RIMS2: variants seen among roughly 807,000 people sequenced by gnomAD.
RIMS2 encodes the protein regulating synaptic membrane exocytosis protein 2.
A neutral mutation model predicts 174.4 loss-of-function variants in RIMS2; 59 were observed. That is an observed-to-expected ratio of 0.34 (90% CI 0.27 to 0.42). The LOEUF is 0.42. Ranked by LOEUF, RIMS2 falls within the 10% of genes least tolerant of loss-of-function variation. The probability of loss-of-function intolerance (pLI) is 1.00; values close to 1 mark genes in which losing one functional copy is unlikely to be tolerated. For missense variants in RIMS2, 1,620 were observed against 1,666.3 expected, an observed-to-expected ratio of 0.97 and a Z score of 0.48; for synonymous variants, 606 against 572.5, an observed-to-expected ratio of 1.06 and a Z score of -0.84.
intron 19 of RIMS2, among the ~76,000 whole-genome samples, chr8:104,116,939 A>G (rs1029258206): frequency 6.6e-6 from 1 of 151,978 alleles, no homozygotes; most frequent in African/African-American, 2.4e-5. Flanking sequence ...TTCTGCATAC[A>G]CTGAGTAACA....
chr8:103,871,254 T>G (rs1306163926), intron 3 of RIMS2, among the ~76,000 whole-genome samples: 2 of 151,894 alleles, frequency 1.3e-5, no homozygotes, highest in African/African-American at 4.8e-5. Flanking sequence ...ACTAAAAATA[T>G]GCGGTGGAGA....
chr8:103,503,627 AC>A (rs980476186), intron 1 of RIMS2, among the ~76,000 whole-genome samples: 2 of 152,026 alleles, frequency 1.3e-5, no homozygotes, highest in African/African-American at 4.8e-5. Flanking sequence ...CTGCCTTTTA[AC>A]ATTTATGTTA....
chr8:103,669,023 T>G (rs2096711123), intron 1 of RIMS2, among the ~76,000 whole-genome samples: 1 of 152,188 alleles, frequency 6.6e-6, no homozygotes, highest in Non-Finnish European at 1.5e-5. Context: ...TAGTCTGTTT[T>G]CACGCTGCCG....
intron 3 of RIMS2, among the ~76,000 whole-genome samples, chr8:103,850,700 C>G (rs2098993112): frequency 6.6e-6 from 1 of 151,996 alleles, no homozygotes; most frequent in Non-Finnish European, 1.5e-5. Flanking sequence ...CTGGCTACAA[C>G]TCTTAAACGA....
chr8:104,020,567 T>A (rs1299835026), intron 19 of RIMS2, among the ~76,000 whole-genome samples: 1 of 152,144 alleles, frequency 6.6e-6, no homozygotes, highest in East Asian at 1.9e-4. Context: ...GTAATGGCAT[T>A]AAAATTGGAA....
At chr8:104,252,035 C>T, downstream of RIMS2, 1 of 563,652 alleles carries the variant, frequency 1.8e-6, no homozygotes, top group Non-Finnish European at 3.1e-6. Context: ...GAAGAACTAT[C>T]AGATTTGGAA....
intron 2 of RIMS2, among the ~76,000 whole-genome samples, chr8:103,760,839 A>G (rs1239330088): frequency 6.6e-6 from 1 of 152,258 alleles, no homozygotes; most frequent in African/African-American, 2.4e-5. Flanking sequence ...TTAGCATAGC[A>G]TTTGGCATAT....
chr8:103,910,588 G>C, intron 5 of RIMS2, 59 bp downstream of exon 8: 1 of 973,920 alleles, frequency 1.0e-6, no homozygotes, highest in Non-Finnish European at 1.6e-6. Flanking sequence ...TTTGCTCTCT[G>C]TCACTCATTA....
chr8:103,529,070 A>C (rs539779378), intron 1 of RIMS2, among the ~76,000 whole-genome samples: 26 of 152,146 alleles, frequency 1.7e-4, no homozygotes, highest in Admixed American at 1.6e-3. Flanking sequence ...TATTTCGTTG[A>C]GCAGTGGTTT....
At chr8:103,675,188 A>G (rs140237520) in intron 1 of RIMS2, among the ~76,000 whole-genome samples, 19 of 152,308 alleles carry the variant, frequency 1.2e-4, no homozygotes, top group African/African-American at 4.6e-4. Context: ...CTAGGATTAC[A>G]GACATGAGCC....
chr8:103,775,706 A>G (rs559233133), intron 3 of RIMS2, among the ~76,000 whole-genome samples: 5 of 152,300 alleles, frequency 3.3e-5, no homozygotes, highest in Admixed American at 2.6e-4. Flanking sequence ...CTGTTCTTAT[A>G]TGGCCAATGC....
At chr8:104,016,974 T>A (rs77748558) in intron 19 of RIMS2, among the ~76,000 whole-genome samples, 2,595 of 152,160 alleles carry the variant, frequency 0.017, 34 homozygotes, top group South Asian at 0.026. Context: ...CCATTTTTTT[T>A]ATTTCATAAA....
chr8:104,099,077 A>C (rs2097817993), intron 19 of RIMS2, among the ~76,000 whole-genome samples: 1 of 152,220 alleles, frequency 6.6e-6, no homozygotes, highest in African/African-American at 2.4e-5. Flanking sequence ...CAAACAGGAA[A>C]GTGAGCATTG....
At chr8:104,100,991 G>T (rs28417495) in intron 19 of RIMS2, among the ~76,000 whole-genome samples, 5,108 of 127,056 alleles carry the variant, frequency 0.04, 335 homozygotes, top group African/African-American at 0.15. Flanking sequence ...ATATTATATA[G>T]TATATGTTAT....
At chr8:103,510,343 A>G (rs1825848781) in intron 1 of RIMS2, among the ~76,000 whole-genome samples, 1 of 152,198 alleles carries the variant, frequency 6.6e-6, no homozygotes, top group African/African-American at 2.4e-5. Context: ...CCAGGCACAT[A>G]GATGAAAATC....
At chr8:103,830,050 TTTA>T (rs1325340482) in intron 3 of RIMS2, among the ~76,000 whole-genome samples, 4 of 152,170 alleles carry the variant, frequency 2.6e-5, no homozygotes, top group Non-Finnish European at 5.9e-5. Flanking sequence ...TTCATATTTC[TTTA>T]TTATCTTGTT....
chr8:104,039,464 A>C (rs776598575), intron 19 of RIMS2, among the ~76,000 whole-genome samples: 6 of 151,796 alleles, frequency 4.0e-5, no homozygotes, highest in African/African-American at 7.2e-5. Context: ...AAACCATTGC[A>C]TTGATGACAC....
At chr8:103,920,701 T>C in intron 9 of RIMS2, 1 of 457,082 alleles carries the variant, frequency 2.2e-6, no homozygotes, top group Non-Finnish European at 4.4e-6. Context: ...TAAATATAGG[T>C]CTTCCTGGCC....
chr8:104,024,284 T>C (rs2096193718), intron 19 of RIMS2, among the ~76,000 whole-genome samples: 2 of 152,224 alleles, frequency 1.3e-5, no homozygotes, highest in African/African-American at 4.8e-5. Flanking sequence ...TCTATCAGTG[T>C]TCTGTGACTT....
Sources: gnomAD v4.1 joint callset for allele counts (sites outside exome capture counted in the v4.1 genomes callset) on GRCh38, gnomAD v4.1.1 for gene constraint, MANE v1.5 for transcripts, NCBI Gene and HGNC (gene_info 2026-07-23, HGNC 2026-07-21) for gene names.